Variants in STK32C observed in about 807,000 individuals in gnomAD.
STK32C encodes serine/threonine-protein kinase 32C.
STK32C carries 31 observed loss-of-function variants against 56.5 expected under a neutral mutation model. The ratio of observed to expected loss-of-function variants is 0.55; its 90% CI spans 0.41 to 0.74. The LOEUF is 0.74. Among genes scored for constraint, STK32C ranks in the 30% least tolerant of loss-of-function variants. The pLI, the probability that STK32C is intolerant of heterozygous loss-of-function variation, is 0.00. For synonymous variants in STK32C, 309 were observed against 289.4 expected, an observed-to-expected ratio of 1.07 and a Z score of -0.69; for missense variants, 544 against 676.9, an observed-to-expected ratio of 0.80 and a Z score of 2.18.
intron 1 of STK32C, among the ~76,000 whole-genome samples, chr10:132,247,486 G>A (rs1460137596): frequency 6.6e-6 from 1 of 152,314 alleles, no homozygotes; most frequent in East Asian, 1.9e-4. Flanking sequence ...CGAGCACAGG[G>A]CAGAGCTGGC....
chr10:132,263,634 G>T (rs1590314101), intron 1 of STK32C, among the ~76,000 whole-genome samples: 1 of 151,798 alleles, frequency 6.6e-6, no homozygotes, highest in African/African-American at 2.4e-5. Context: ...GAGGCAGGTG[G>T]ATCTCCTGAG....
At chr10:132,245,447 C>T (rs1310973199) in intron 2 of STK32C, among the ~76,000 whole-genome samples, 2 of 152,242 alleles carry the variant, frequency 1.3e-5, no homozygotes, top group East Asian at 1.9e-4. Flanking sequence ...GAACGGGCTC[C>T]GTCCAGGCCG....
intron 2 of STK32C, among the ~76,000 whole-genome samples, chr10:132,243,376 C>G (rs2063571172): frequency 6.6e-6 from 1 of 152,140 alleles, no homozygotes; most frequent in African/African-American, 2.4e-5. Flanking sequence ...ACTGAGCAGC[C>G]TGGGGGCGAG....
chr10:132,221,596 GGTGA>G (rs1298769882), intron 10 of STK32C, among the ~76,000 whole-genome samples: 3 of 138,760 alleles, frequency 2.2e-5, no homozygotes, highest in East Asian at 2.2e-4. Flanking sequence ...GATACACCTG[GGTGA>G]GTGTGAGGGC....
Position 132,245,170 on chromosome 10 carries a change from GAC to G in STK32C, c.318+728_318+729del, listed in dbSNP as rs562518761. 8.5e-5 allele frequency among the ~76,000 whole-genome samples: 13 copies of G among 152,298 alleles called. No individual in the cohort carries two copies. In the South Asian group the frequency reaches 2.7e-3, roughly 32 times the overall value. On this transcript the variant is annotated intron_variant, in intron 2 of 11. Coordinates refer to ENST00000298630, the MANE Select transcript of STK32C (RefSeq NM_173575.4). ...AAAAAGGGCTTATGGGGCTTAAATAGACACAGTGTCCAGGCAGCTGTACAGCC... is the reference window on the plus strand; with the variant it reads ...AAAAAGGGCTTATGGGGCTTAAATAGACAGTGTCCAGGCAGCTGTACAGCC...
intron 10 of STK32C, among the ~76,000 whole-genome samples, chr10:132,209,911 G>A (rs911730219): frequency 2.0e-5 from 3 of 152,168 alleles, no homozygotes; most frequent in Non-Finnish European, 4.4e-5. Context: ...CACTTGTGAG[G>A]ACCACAGAAC....
At chr10:132,310,541 G>A (rs2066200174), upstream of STK32C, among the ~76,000 whole-genome samples, 1 of 152,226 alleles carries the variant, frequency 6.6e-6, no homozygotes, top group Non-Finnish European at 1.5e-5. The surrounding 1 kb of genome is among the most constrained non-coding windows in gnomAD (Gnocchi z 4.6). Flanking sequence ...AGTTCTAGGG[G>A]GATGCTGGGA....
intron 1 of STK32C, among the ~76,000 whole-genome samples, chr10:132,266,427 C>T (rs1438486646): frequency 6.6e-6 from 1 of 152,164 alleles, no homozygotes; most frequent in African/African-American, 2.4e-5. Flanking sequence ...TCTGTCAAAA[C>T]ATCAATCTGC....
chr10:132,249,619 T>A (rs1169927775), intron 1 of STK32C, among the ~76,000 whole-genome samples: 1 of 152,110 alleles, frequency 6.6e-6, no homozygotes, highest in Admixed American at 6.5e-5. Context: ...ACCGGCATCG[T>A]GGCTGTCCTC....
intron 1 of STK32C, among the ~76,000 whole-genome samples, chr10:132,278,041 G>A (rs114572593): frequency 0.01 from 1,582 of 152,306 alleles, 28 homozygotes; most frequent in African/African-American, 0.036. Flanking sequence ...AGGTGGGGGT[G>A]GTCTTGAGGG....
chr10:132,226,908 G>A lies in STK32C; in HGVS notation c.531C>T (p.Asp177=), dbSNP rs1343327100. ...CGTTCTGCTGCAGGTGGTAGCGCAG[G>A]TCCCCGCCCAGTAGCAGGTCCACGA... ...FMVVDLLLGG[D]LRYHLQQNVQ... Residue 177 remains aspartate, a synonymous_variant, in exon 4 of 12, where the codon GAC becomes GAT. Transcript: ENST00000298630. The A allele has an allele frequency of 4.3e-6, 7 of 1,613,482 alleles. No homozygotes were observed. The highest frequency in any genetic ancestry group is 1.1e-5 in the South Asian group (1 of 91,084).
intron 2 of STK32C, among the ~76,000 whole-genome samples, chr10:132,240,498 C>T (rs984731108): frequency 3.9e-5 from 6 of 152,200 alleles, no homozygotes; most frequent in Non-Finnish European, 7.3e-5. Context: ...CTGGGGAGCC[C>T]GGCCAGGCAG....
At chr10:132,251,461 C>T (rs1182964800) in intron 1 of STK32C, among the ~76,000 whole-genome samples, 1 of 152,158 alleles carries the variant, frequency 6.6e-6, no homozygotes, top group East Asian at 1.9e-4. Context: ...TCCTTATACA[C>T]AGAGCCTACT....
intron 1 of STK32C, among the ~76,000 whole-genome samples, chr10:132,290,794 T>G (rs919193122): frequency 4.6e-5 from 7 of 151,748 alleles, no homozygotes; most frequent in African/African-American, 1.7e-4. Context: ...GGCCACCACA[T>G]CCAGGGCCAT....
intron 2 of STK32C, among the ~76,000 whole-genome samples, chr10:132,229,345 A>C (rs917849616): frequency 1.3e-5 from 2 of 152,150 alleles, no homozygotes; most frequent in Non-Finnish European, 2.9e-5. Flanking sequence ...TCCTGGCTGC[A>C]TGCCCGGAAA....
intron 1 of STK32C, among the ~76,000 whole-genome samples, chr10:132,300,778 G>A (rs2065889466): frequency 6.6e-6 from 1 of 152,176 alleles, no homozygotes; most frequent in Non-Finnish European, 1.5e-5. Context: ...CGCCCCCATT[G>A]ACAGCCAGAG....
intron 2 of STK32C, among the ~76,000 whole-genome samples, chr10:132,235,896 C>A (rs1194230350): frequency 1.5e-5 from 2 of 134,320 alleles, no homozygotes; most frequent in Admixed American, 1.6e-4. Flanking sequence ...AGAGAGTCCT[C>A]ATCTTTAAAG....
At chr10:132,230,679 C>CGGGGGGGGGGGGG (rs377544275) in intron 2 of STK32C, among the ~76,000 whole-genome samples, 3 of 49,684 alleles carry the variant, frequency 6.0e-5, no homozygotes, top group African/African-American at 8.6e-5. Context: ...GGGAAGCTGG[C>CGGGGGGGGGGGGG]GGGGGGGGGG....
intron 2 of STK32C, 121 bp from the exon 3 acceptor site, chr10:132,228,249 A>G: frequency 7.7e-7 from 1 of 1,297,806 alleles, no homozygotes; most frequent in Non-Finnish European, 1.1e-6. Context: ...ACACCTGGGG[A>G]CGCGCCGCAG....
Sources: allele counts gnomAD v4.1 joint callset (sites outside exome capture counted in the v4.1 genomes callset), GRCh38; gene constraint gnomAD v4.1.1; non-coding constraint Gnocchi (gnomAD v3.1); transcripts MANE v1.5; gene names NCBI Gene and HGNC (gene_info 2026-07-23, HGNC 2026-07-21).